Variants in L3MBTL3 observed in about 807,000 individuals in gnomAD.
The protein encoded by L3MBTL3 is L3MBTL histone methyl-lysine binding protein 3.
Under a neutral mutation model 102.3 loss-of-function variants are expected in L3MBTL3, and 27 were observed. The observed-to-expected ratio is 0.26, with a 90% CI of 0.19 to 0.36. The LOEUF is 0.36. Among genes scored for constraint, L3MBTL3 ranks in the 10% least tolerant of loss-of-function variants. The pLI is 1.00. For missense variants in L3MBTL3, 798 were observed against 955.3 expected (o/e 0.84, Z 2.17); for synonymous variants, 340 against 320.9 (o/e 1.06, Z -0.64).
intron 18 of L3MBTL3, 77 bp downstream of exon 18, chr6:130,094,444 C>T: frequency 1.2e-6 from 1 of 827,290 alleles, no homozygotes. Flanking sequence ...TTCATATATA[C>T]TAAATTGATG....
intron 20 of L3MBTL3, among the ~76,000 whole-genome samples, chr6:130,131,285 A>T: frequency 6.6e-6 from 1 of 152,182 alleles, no homozygotes; most frequent in East Asian, 1.9e-4. Context: ...TGTAACCATA[A>T]TGTGATACCA....
Position 130,127,080 on chromosome 6 carries a change from C to T in L3MBTL3, c.1966+6122C>T, listed in dbSNP as rs1176774293. ...GTGAGGAGCAGAACTTCACTGTGAA[C>T]AAATGTTGGTCTTACTATGTAGATA... On this transcript the variant is annotated intron_variant, in intron 20 of 22. Transcript: ENST00000361794. Among the ~76,000 whole-genome samples, 8 of 152,260 alleles carry T rather than the reference C, an allele frequency of 5.3e-5. No homozygotes were observed. In the East Asian group the frequency reaches 1.2e-3, roughly 22 times the overall value.
At chr6:130,083,992 T>A (rs1047909532) in intron 15 of L3MBTL3, among the ~76,000 whole-genome samples, 2 of 152,168 alleles carry the variant, frequency 1.3e-5, no homozygotes, top group African/African-American at 4.8e-5. Flanking sequence ...CTTAAAGCAA[T>A]CTTCTGTCTT....
chr6:130,026,683 A>G (rs775245263), intron 2 of L3MBTL3, among the ~76,000 whole-genome samples: 33 of 152,108 alleles, frequency 2.2e-4, no homozygotes, highest in Admixed American at 3.3e-4. Context: ...AATGATCACA[A>G]ACTGTTGATA....
chr6:130,101,145 C>T (rs1784661930), intron 18 of L3MBTL3, among the ~76,000 whole-genome samples: 1 of 151,986 alleles, frequency 6.6e-6, no homozygotes. Flanking sequence ...ATATAAGGAA[C>T]AAATAATAGA....
intron 10 of L3MBTL3, among the ~76,000 whole-genome samples, chr6:130,065,860 G>A (rs373683496): frequency 8.5e-5 from 13 of 152,268 alleles, no homozygotes; most frequent in African/African-American, 3.1e-4. Flanking sequence ...TAATAAACTA[G>A]GAGAGACGCT....
At chr6:130,093,044 T>A (rs1784154797) in intron 17 of L3MBTL3, among the ~76,000 whole-genome samples, 185 bp downstream of exon 17, 1 of 152,198 alleles carries the variant, frequency 6.6e-6, no homozygotes, top group Non-Finnish European at 1.5e-5. Flanking sequence ...AAAAACTTAA[T>A]GCCTGAAAAA....
At chr6:130,019,976 AGGCGGCGGCGGCGGTCGCGGC>A (rs1274727830) in intron 1 of L3MBTL3, among the ~76,000 whole-genome samples, 1 of 64,332 alleles carries the variant, frequency 1.6e-5, no homozygotes, top group Admixed American at 2.2e-4. Flanking sequence ...GTGTGTCGGG[AGGCGGCGGCGGCGGTCGCGGC>A]GGCGGCGGCC....
chr6:130,090,408 A>G (rs2115201925), intron 16 of L3MBTL3, among the ~76,000 whole-genome samples: 1 of 152,308 alleles, frequency 6.6e-6, no homozygotes, highest in Non-Finnish European at 1.5e-5. Flanking sequence ...ATATCTCAGT[A>G]GTTAACACTC....
chr6:130,138,054 T>C (rs1161415761), intron 22 of L3MBTL3: 2 of 152,204 alleles, frequency 1.3e-5, no homozygotes, highest in Non-Finnish European at 2.9e-5. Context: ...TTCCACATAA[T>C]TGTTACTTGA....
intron 2 of L3MBTL3, among the ~76,000 whole-genome samples, chr6:130,030,914 T>C (rs976072579): frequency 1.3e-5 from 2 of 152,176 alleles, no homozygotes; most frequent in Non-Finnish European, 2.9e-5. Context: ...GATAATATCC[T>C]TTAAAATGAC....
chr6:130,049,169 T>G (rs1780922624), intron 3 of L3MBTL3, 113 bp from the exon 4 acceptor site: 2 of 649,276 alleles, frequency 3.1e-6, no homozygotes, highest in Non-Finnish European at 5.5e-6. Flanking sequence ...TTGTCTAAAT[T>G]AACTTTTACC....
chr6:130,097,776 G>T (rs1053676185), intron 18 of L3MBTL3, among the ~76,000 whole-genome samples: 2 of 152,124 alleles, frequency 1.3e-5, no homozygotes, highest in African/African-American at 4.8e-5. Context: ...TTATATAAAA[G>T]TAGACATTTG....
At position 130,105,727 on chromosome 6, in the gene L3MBTL3, G is replaced by A. The variant is rs1427403261; in HGVS notation, c.1886+1152G>A. Among the ~76,000 whole-genome samples, 10 of 151,960 alleles carry A rather than the reference G, an allele frequency of 6.6e-5. No homozygotes were observed. In the East Asian group the frequency reaches 1.9e-3, roughly 29 times the overall value. On this transcript the variant is annotated intron_variant, in intron 19 of 22. Transcript: ENST00000361794. ...TTGACTAAAACGGTGGTAAGAATAC[G>A]CTTTAGATTTCAAAATTGGTTTTAA...
intron 19 of L3MBTL3, among the ~76,000 whole-genome samples, chr6:130,119,693 T>G (rs550802342): frequency 1.3e-5 from 2 of 152,346 alleles, no homozygotes; most frequent in African/African-American, 4.8e-5. Flanking sequence ...GTCTTTAGCA[T>G]GAACTAAGCC....
rs923625248 is a variant in L3MBTL3, at chr6:130,047,328, G to A, written c.103-1954G>A. Among the ~76,000 whole-genome samples, 7 of 152,264 alleles carry A rather than the reference G, an allele frequency of 4.6e-5. No individual in the cohort carries two copies. The South Asian group carries it at 1.2e-3, about 27-fold the overall frequency. ...GTCAGTTACTGGCAATACATTTTAG[G>A]AGAAAGAAAAGCTGACTGGGATTGA... On this transcript the variant is annotated intron_variant, in intron 3 of 22. Transcript: ENST00000361794.
intron 19 of L3MBTL3, among the ~76,000 whole-genome samples, chr6:130,114,324 G>C (rs940690333): frequency 3.3e-5 from 5 of 152,112 alleles, no homozygotes; most frequent in Admixed American, 2.6e-4. Context: ...ATTGTAACAG[G>C]ATCTTACTCT....
At chr6:130,112,348 CT>C (rs376194976) in intron 19 of L3MBTL3, among the ~76,000 whole-genome samples, 62 of 152,278 alleles carry the variant, frequency 4.1e-4, no homozygotes, top group Middle Eastern at 3.4e-3. Context: ...GTTATGTAAC[CT>C]AAGAGGCAAT....
chr6:130,102,791 C>T (rs1371868865), intron 18 of L3MBTL3, among the ~76,000 whole-genome samples: 1 of 152,220 alleles, frequency 6.6e-6, no homozygotes, highest in Non-Finnish European at 1.5e-5. Context: ...CCAAGGAGGA[C>T]CTTCCTCACC....
Sources: allele counts gnomAD v4.1 joint callset (sites outside exome capture counted in the v4.1 genomes callset), GRCh38; gene constraint gnomAD v4.1.1; transcripts MANE v1.5; gene names NCBI Gene and HGNC (gene_info 2026-07-23, HGNC 2026-07-21).